The following MRC1 variants were observed in gnomAD, a reference collection of about 807,000 sequenced individuals.
The protein encoded by MRC1 is macrophage mannose receptor 1.
MRC1 carries 62 observed loss-of-function variants against 102.9 expected under a neutral mutation model. The ratio of observed to expected loss-of-function variants is 0.60; its 90% CI spans 0.49 to 0.74. The LOEUF (loss-of-function observed/expected upper bound fraction) is 0.74. MRC1 is among the 30% of genes least tolerant of loss of function. The pLI, the probability that MRC1 is intolerant of heterozygous loss-of-function variation, is 0.00. For synonymous variants in MRC1, 457 were observed against 298.4 expected (o/e 1.53, Z -5.48); for missense variants, 1,237 against 862.8 (o/e 1.43, Z -5.43).
Position 17,910,420 on chromosome 10 carries a change from A to G in MRC1, c.4326A>G (p.Lys1442=). ...CAAGCCCAGGAACTAGTGATATGAA[A>G]GATCTCGTGGGCAATATTGAACAGA... ...SQSSPGTSDM[K]DLVGNIEQNE... is the part of the protein sequence containing the mutation. Residue 1442 remains lysine, a synonymous_variant, in exon 30 of 30, where the codon AAA becomes AAG. Coordinates refer to ENST00000569591, the MANE Select transcript of MRC1 (RefSeq NM_002438.4). 1 of 780,836 alleles carries G rather than the reference A, an allele frequency of 1.3e-6. No individual in the cohort carries two copies. Among genetic ancestry groups the G allele is most frequent in the South Asian group, 1.3e-5 (1 of 74,606 alleles). 48.4% of individuals were successfully genotyped at this position (780,836 alleles called of 1,614,324 possible).
chr10:17,827,440 A>G, intron 2 of MRC1, 102 bp from the exon 3 acceptor site: 1 of 739,594 alleles, frequency 1.4e-6, no homozygotes, highest in Non-Finnish European at 2.5e-6. Context: ...ATCAAGTGTA[A>G]TCAGAACAGT....
intron 22 of MRC1, among the ~76,000 whole-genome samples, chr10:17,890,512 T>TC (rs1325155498): frequency 6.6e-6 from 1 of 152,242 alleles, no homozygotes; most frequent in Admixed American, 6.5e-5. Context: ...TTCCTTTTGA[T>TC]CCTTTCTTAG....
rs887137658 is a variant in MRC1, at chr10:17,880,633, C to T, written c.2828C>T (p.Ser943Leu). The T allele has an allele frequency of 1.2e-5, 9 of 780,696 alleles. No homozygotes were observed. In the African/African-American group the frequency reaches 1.5e-4, roughly 13 times the overall value. 48.4% of individuals were successfully genotyped at this position (780,696 alleles called of 1,614,324 possible). ...ATGCCTACCATGCCCTCGGTCCCAT[C>T]AGGGTGCAAGGAAGGTTGGAATTTC... ...TVMPTMPSVP[S>L]GCKEGWNFYS... is the part of the protein sequence containing the mutation. The change falls in exon 20 of 30, where the codon TCA becomes TTA. Residue 943 changes from serine to leucine, a missense_variant. Transcript: ENST00000569591.
intron 1 of MRC1, among the ~76,000 whole-genome samples, chr10:17,816,415 T>C (rs952826556): frequency 3.3e-5 from 5 of 152,072 alleles, no homozygotes; most frequent in Non-Finnish European, 5.9e-5. Flanking sequence ...CTGTGGGCAA[T>C]GGAGTGTAGG....
At chr10:17,827,412 A>AAAAAAACC in intron 2 of MRC1, 130 bp from the exon 3 acceptor site, 1 of 366,278 alleles carries the variant, frequency 2.7e-6, no homozygotes, top group East Asian at 5.5e-5. Context: ...AAAAAAAAAG[A>AAAAAAACC]AATCCCTCTG....
intron 11 of MRC1, among the ~76,000 whole-genome samples, chr10:17,866,222 A>T (rs984598320): frequency 6.6e-6 from 1 of 152,066 alleles, no homozygotes; most frequent in African/African-American, 2.4e-5. Flanking sequence ...GGAGGAAAAG[A>T]ATCTTAAAAA....
intron 29 of MRC1, 85 bp downstream of exon 29, chr10:17,909,432 A>G (rs1250641176): frequency 1.3e-5 from 10 of 779,836 alleles, no homozygotes; most frequent in Non-Finnish European, 2.3e-5. Flanking sequence ...AATCCCTTCC[A>G]ACTCCCCTGC....
chr10:17,864,292 T>A (rs1833228987), intron 11 of MRC1, among the ~76,000 whole-genome samples: 2 of 152,112 alleles, frequency 1.3e-5, no homozygotes, highest in African/African-American at 4.8e-5. Flanking sequence ...CATGAGCCAC[T>A]GCGCATGTCC....
chr10:17,847,585 A>G (rs1241215621), intron 6 of MRC1, among the ~76,000 whole-genome samples: 1 of 152,208 alleles, frequency 6.6e-6, no homozygotes, highest in Non-Finnish European at 1.5e-5. Context: ...TTCAACCTCA[A>G]ACCCTGTGAA....
At chr10:17,842,144 G>A (rs919360440) in intron 5 of MRC1, among the ~76,000 whole-genome samples, 1 of 152,012 alleles carries the variant, frequency 6.6e-6, no homozygotes, top group Non-Finnish European at 1.5e-5. Context: ...TTAATTTTTT[G>A]TAGTGATGGG....
chr10:17,897,428 C>CT (rs1833770867), intron 23 of MRC1, among the ~76,000 whole-genome samples: 1 of 152,130 alleles, frequency 6.6e-6, no homozygotes, highest in Non-Finnish European at 1.5e-5. Flanking sequence ...TTATGGGAGG[C>CT]TTTACCCATA....
intron 7 of MRC1, among the ~76,000 whole-genome samples, chr10:17,852,616 A>C (rs1554840613): frequency 2.6e-5 from 4 of 152,356 alleles, no homozygotes; most frequent in Middle Eastern, 3.4e-3. Context: ...AATTATTTGC[A>C]ACAATAAAAG....
At chr10:17,872,404 G>A (rs1213377950) in intron 15 of MRC1, among the ~76,000 whole-genome samples, 1 of 152,170 alleles carries the variant, frequency 6.6e-6, no homozygotes, top group Non-Finnish European at 1.5e-5. Context: ...AGGTTCCATA[G>A]CAGTAGAAGT....
In MRC1 at chr10:17,879,981, C is replaced by T. The variant is rs1429807078; in HGVS notation, c.2719+160C>T. ...GGCAGCCTAACAGTTCAACTTGTAA[C>T]GAGAATAGATGCTTAACATTTACAC... On this transcript the variant is annotated intron_variant, in intron 19 of 29. Coordinates refer to ENST00000569591, the MANE Select transcript of MRC1 (RefSeq NM_002438.4). Among the ~76,000 whole-genome samples, 6 of 152,254 alleles carry T rather than the reference C, an allele frequency of 3.9e-5. 1 individual carries two copies. The South Asian group carries it at 1.2e-3, about 32-fold the overall frequency.
At chr10:17,840,842 A>C in intron 5 of MRC1, 36 bp downstream of exon 5, 1 of 780,750 alleles carries the variant, frequency 1.3e-6, no homozygotes, top group African/African-American at 1.7e-5. Context: ...ATTAATCCAA[A>C]TTTAAGTCAT....
intron 12 of MRC1, among the ~76,000 whole-genome samples, chr10:17,867,069 C>G (rs1243795801): frequency 1.3e-5 from 2 of 151,616 alleles, no homozygotes; most frequent in African/African-American, 4.8e-5. Context: ...ATCTGCCTCC[C>G]TCCATTCCCC....
At chr10:17,877,298 A>G (rs1833449872) in intron 17 of MRC1, among the ~76,000 whole-genome samples, 1 of 148,080 alleles carries the variant, frequency 6.8e-6, no homozygotes, top group African/African-American at 2.4e-5. Context: ...CTTAAATAAC[A>G]TGAAATAAAT....
chr10:17,875,139 T>C lies in MRC1; in HGVS notation c.2436T>C (p.Tyr812=). The C allele has an allele frequency of 2.6e-6, 2 of 780,886 alleles. No homozygotes were observed. Among genetic ancestry groups the C allele is most frequent in the South Asian group, 2.7e-5 (2 of 74,622 alleles). 48.4% of individuals were successfully genotyped at this position (780,886 alleles called of 1,614,324 possible). Residue 812 remains tyrosine, a synonymous_variant, in exon 17 of 30, where the codon TAT becomes TAC. Coordinates refer to ENST00000569591, the MANE Select transcript of MRC1 (RefSeq NM_002438.4). ...DGWVIYKDYQ[Y]YFSKEKETMD... ...GGGTTATTTACAAAGACTACCAGTA[T>C]TATTTCAGCAAAGAGAAGGAAACCA...
chr10:17,833,413 C>T (rs919991625), intron 3 of MRC1, among the ~76,000 whole-genome samples: 9 of 150,324 alleles, frequency 6.0e-5, no homozygotes, highest in South Asian at 2.1e-4. Flanking sequence ...CCCAGCTACT[C>T]GGTAAACTGA....
Sources: gnomAD v4.1 joint callset for allele counts (sites outside exome capture counted in the v4.1 genomes callset) on GRCh38, gnomAD v4.1.1 for gene constraint, MANE v1.5 for transcripts, NCBI Gene and HGNC (gene_info 2026-07-23, HGNC 2026-07-21) for gene names.